The following PMS2 variants were observed in gnomAD, a reference collection of about 807,000 sequenced individuals.
PMS2 encodes mismatch repair endonuclease PMS2.
Under a neutral mutation model 90.0 loss-of-function variants are expected in PMS2, and 69 were observed. That is an observed-to-expected ratio of 0.77 (90% confidence interval 0.63 to 0.94). PMS2 has a LOEUF of 0.94. PMS2 is among the 40% of genes least tolerant of loss of function. The pLI is 0.00. For synonymous variants in PMS2, 332 were observed against 375.1 expected (o/e 0.89, Z 1.33); for missense variants, 966 against 1,040.2 (o/e 0.93, Z 0.98).
chr7:6,004,762 G>C (rs1009019995), intron 2 of PMS2, among the ~76,000 whole-genome samples: 1 of 151,354 alleles, frequency 6.6e-6, no homozygotes, highest in South Asian at 2.1e-4. Flanking sequence ...AGACTTCCTG[G>C]ATCCTATTTT....
rs767313783 is a variant in PMS2 at position 6,002,630 on chromosome 7, G to T, written c.360C>A (p.Val120=). The change falls in exon 5 of 15, where the codon GTC becomes GTA. Residue 120 remains valine (V), a synonymous_variant. Coordinates refer to ENST00000265849, the MANE Select transcript of PMS2 (RefSeq NM_000535.7). ...CCGATGCGTGGCAGGTAGAAATGGT[G>T]ACATCGCTGTGAGAGAATACCAGGC... is the stretch of plus-strand genomic sequence containing the variant. The part of the protein sequence containing the change: ...ALSSLCALSD[V]TISTCHASAK... 1 of 1,610,974 alleles carries T rather than the reference G, an allele frequency of 6.2e-7. No homozygotes were observed. The highest frequency in any genetic ancestry group is 8.5e-7 in the Non-Finnish European group (1 of 1,178,908).
At chr7:6,004,203 A>C in intron 2 of PMS2, 145 bp from the exon 3 acceptor site, 1 of 612,516 alleles carries the variant, frequency 1.6e-6, no homozygotes, top group East Asian at 2.8e-5. Context: ...TGTATATTTC[A>C]TTGTTATAAA....
At chr7:5,991,228 A>G (rs1266798220) in intron 9 of PMS2, among the ~76,000 whole-genome samples, 1 of 152,098 alleles carries the variant, frequency 6.6e-6, no homozygotes, top group African/African-American at 2.4e-5. Context: ...CTAAGGATAA[A>G]GAGCAGTATA....
chr7:6,001,331 G>A (rs962092118), intron 5 of PMS2, among the ~76,000 whole-genome samples: 1 of 151,740 alleles, frequency 6.6e-6, no homozygotes, highest in African/African-American at 2.4e-5. Flanking sequence ...AAATTCATAA[G>A]GGTTCTAATA....
At chr7:6,006,543 C>T (rs1332530858) in intron 1 of PMS2, among the ~76,000 whole-genome samples, 2 of 152,002 alleles carry the variant, frequency 1.3e-5, no homozygotes, top group East Asian at 3.9e-4. Flanking sequence ...ATCCTAGCTA[C>T]TCAGGAGGCT....
At chr7:6,002,196 A>AT (rs199809596) in intron 5 of PMS2, 26 of 383,140 alleles carry the variant, frequency 6.8e-5, no homozygotes, top group East Asian at 5.3e-4. Flanking sequence ...TGCCCAGTAA[A>AT]TTTTTTTTTA....
intron 7 of PMS2, 56 bp downstream of exon 7, chr7:5,997,270 A>C (rs1784511746): frequency 1.1e-6 from 1 of 880,208 alleles, no homozygotes; most frequent in Non-Finnish European, 1.9e-6. Flanking sequence ...TCTTTAAAAA[A>C]AAAGCTCTCA....
At chr7:5,988,052 CAAAAAAAAAAA>C (rs10543125) in intron 10 of PMS2, among the ~76,000 whole-genome samples, 2 of 41,122 alleles carry the variant, frequency 4.9e-5, no homozygotes, top group African/African-American at 9.8e-5. Context: ...CACTCTGTCT[CAAAAAAAAAAA>C]AAAAAAAAAA....
At chr7:6,006,941 C>T (rs953858185) in intron 1 of PMS2, among the ~76,000 whole-genome samples, 1 of 152,076 alleles carries the variant, frequency 6.6e-6, no homozygotes, top group African/African-American at 2.4e-5. Context: ...TTTGAAATCA[C>T]AAATCTGGTC....
chr7:6,002,272 GA>G (rs1197551099), intron 5 of PMS2, 180 bp downstream of exon 5: 16 of 592,574 alleles, frequency 2.7e-5, no homozygotes, highest in Non-Finnish European at 3.3e-5. Context: ...GTGATGAAAA[GA>G]AAAAAGTAAA....
At chr7:6,001,541 T>C (rs137920055) in intron 5 of PMS2, among the ~76,000 whole-genome samples, 14,923 of 152,078 alleles carry the variant, frequency 0.098, 775 homozygotes, top group Admixed American at 0.12. Context: ...CAGCTAATTT[T>C]TGTATTTTTA....
At chr7:5,999,388 G>GA (rs1784849148) in intron 5 of PMS2, 113 bp from the exon 6 acceptor site, 2 of 930,828 alleles carry the variant, frequency 2.1e-6, no homozygotes, top group Non-Finnish European at 3.5e-6. Context: ...CAAATCAAGG[G>GA]AAGCACTGTT....
intron 11 of PMS2, among the ~76,000 whole-genome samples, chr7:5,985,339 C>G (rs1782743767): frequency 6.8e-6 from 1 of 146,868 alleles, no homozygotes; most frequent in Non-Finnish European, 1.5e-5. Context: ...CTCCTAGCCT[C>G]AAGTGATTCT....
At chr7:5,982,339 G>C (rs1043917099) in intron 12 of PMS2, among the ~76,000 whole-genome samples, 13 of 152,200 alleles carry the variant, frequency 8.5e-5, no homozygotes, top group African/African-American at 3.1e-4. Context: ...CCAAGTAGCT[G>C]GGACTACAGG....
At chr7:6,008,943 G>C (rs1317656138) in intron 1 of PMS2, 54 bp downstream of exon 1, 8 of 1,605,378 alleles carry the variant, frequency 5.0e-6, no homozygotes, top group Non-Finnish European at 6.8e-6. Flanking sequence ...AATGCCGTGG[G>C]TCTCAAAGAG....
chr7:6,004,104 G>A (rs755968432), intron 2 of PMS2, 46 bp from the exon 3 acceptor site: 3 of 1,055,192 alleles, frequency 2.8e-6, no homozygotes, highest in Admixed American at 1.8e-5. Flanking sequence ...ACGGACCCAT[G>A]CTATCAGTTT....
At chr7:5,993,156 A>G (rs1037144139) in intron 8 of PMS2, among the ~76,000 whole-genome samples, 2 of 151,234 alleles carry the variant, frequency 1.3e-5, no homozygotes, top group Non-Finnish European at 1.5e-5. Context: ...GGATTGCCTG[A>G]GCTCAGGAGT....
In PMS2 at chr7:6,009,011, T is replaced by A. The variant is rs1554309048; in HGVS notation, c.9A>T (p.Arg3=). 1.2e-6 allele frequency: 2 copies of A among 1,612,564 alleles called. No individual in the cohort carries two copies. The highest frequency in any genetic ancestry group is 2.7e-5 in the African/African-American group (2 of 75,014). Residue 3 remains arginine (R), a synonymous_variant, in exon 1 of 15, where the codon CGA becomes CGT. Transcript: ENST00000265849. ...GCCCCGCTCACCTCGAGCTCTCAGC[T>A]CGCTCCATGGATGCAACACCCGATC... is the stretch of plus-strand genomic sequence containing the variant. The part of the protein sequence containing the change: ME[R]AESSSTEPAK...
At chr7:5,983,648 T>C (rs1313503520) in intron 11 of PMS2, among the ~76,000 whole-genome samples, 1 of 151,668 alleles carries the variant, frequency 6.6e-6, no homozygotes, top group African/African-American at 2.4e-5. Flanking sequence ...TTCATTATTT[T>C]TTCTTTTTTT....
Sources: allele counts gnomAD v4.1 joint callset (sites outside exome capture counted in the v4.1 genomes callset), GRCh38; gene constraint gnomAD v4.1.1; transcripts MANE v1.5; gene names NCBI Gene and HGNC (gene_info 2026-07-23, HGNC 2026-07-21).